Variants in PTCHD4 observed in about 807,000 individuals in gnomAD.
PTCHD4 encodes the protein patched domain containing 4.
A neutral mutation model predicts 58.1 loss-of-function variants in PTCHD4; 33 were observed. The observed-to-expected ratio is 0.57, with a 90% CI of 0.43 to 0.76. PTCHD4 has a LOEUF of 0.76. Ranked by LOEUF, PTCHD4 falls within the 30% of genes least tolerant of loss-of-function variation. The pLI, the probability that PTCHD4 is intolerant of heterozygous loss-of-function variation, is 0.00. For synonymous variants in PTCHD4, 478 were observed against 409.6 expected (o/e 1.17, Z -2.02); for missense variants, 1,058 against 1,027.1 (o/e 1.03, Z -0.41).
intron 4 of PTCHD4, among the ~76,000 whole-genome samples, chr6:47,993,343 G>A (rs1350252107): frequency 6.6e-6 from 1 of 152,172 alleles, no homozygotes; most frequent in African/African-American, 2.4e-5. Flanking sequence ...CTTTCTCAAA[G>A]TCGACATATC....
intron 4 of PTCHD4, among the ~76,000 whole-genome samples, chr6:47,964,633 G>T (rs533007336): frequency 6.6e-6 from 1 of 151,872 alleles, no homozygotes; most frequent in Non-Finnish European, 1.5e-5. Flanking sequence ...TGTAAATGTC[G>T]CAAAGTATTT....
chr6:48,086,310 T>C (rs1179810463), intron 1 of PTCHD4, among the ~76,000 whole-genome samples: 1 of 152,208 alleles, frequency 6.6e-6, no homozygotes, highest in Non-Finnish European at 1.5e-5. Context: ...TTTTCTTATA[T>C]TCTTACCTTG....
chr6:48,052,243 G>T (rs531973352), intron 3 of PTCHD4, among the ~76,000 whole-genome samples: 106 of 152,046 alleles, frequency 7.0e-4, no homozygotes, highest in African/African-American at 2.5e-3. Flanking sequence ...AACAAAAAGG[G>T]TAGGAGGTTG....
Position 47,878,892 on chromosome 6 carries a change from T to C in PTCHD4, c.1943A>G (p.Asp648Gly), listed in dbSNP as rs1205830277. ...IVFNPSFVFM[D>G]HYSLSVTVPV... is the part of the protein sequence containing the mutation. ...CACTGTGACAGACAAGCTGTAATGGTCCATGAAGACAAAGGAGGGGTTGAA... is the reference window on the plus strand; with the variant it reads ...CACTGTGACAGACAAGCTGTAATGGCCCATGAAGACAAAGGAGGGGTTGAA... Residue 648 changes from aspartate to glycine, a missense_variant, in exon 5 of 5, where the codon GAC becomes GGC. Coordinates refer to ENST00000339488, the MANE Select transcript of PTCHD4 (RefSeq NM_001384253.1). 1.2e-6 allele frequency: 2 copies of C among 1,613,550 alleles called. No individual in the cohort carries two copies. The highest frequency in any genetic ancestry group is 2.2e-5 in the South Asian group (2 of 91,080).
At chr6:48,018,132 C>T (rs571674801) in intron 3 of PTCHD4, among the ~76,000 whole-genome samples, 2 of 152,202 alleles carry the variant, frequency 1.3e-5, no homozygotes, top group South Asian at 4.2e-4. Context: ...AAGATTATTC[C>T]ATATTTCCCA....
chr6:47,916,069 C>T (rs751325793), intron 4 of PTCHD4, among the ~76,000 whole-genome samples: 13 of 152,080 alleles, frequency 8.5e-5, no homozygotes, highest in Non-Finnish European at 1.2e-4. Flanking sequence ...GAGCAAAGAC[C>T]GGTGACTGCT....
At chr6:48,050,642 C>T (rs533572722) in intron 3 of PTCHD4, among the ~76,000 whole-genome samples, 3 of 152,098 alleles carry the variant, frequency 2.0e-5, no homozygotes, top group South Asian at 2.1e-4. Context: ...TGGAGCAGGT[C>T]CTGTTCCAAA....
intron 3 of PTCHD4, among the ~76,000 whole-genome samples, chr6:48,058,883 T>TTA (rs1764512257): frequency 6.6e-6 from 1 of 152,206 alleles, no homozygotes. Context: ...GTCCATCTTA[T>TTA]TACACTTACT....
At chr6:47,949,805 C>T (rs1766567275) in intron 4 of PTCHD4, among the ~76,000 whole-genome samples, 1 of 152,008 alleles carries the variant, frequency 6.6e-6, no homozygotes, top group East Asian at 1.9e-4. Context: ...TTTATACAAC[C>T]CCAGTTTGAA....
Position 48,011,469 on chromosome 6 carries a change from T to C in PTCHD4, c.418-2355A>G, listed in dbSNP as rs1762671437. On this transcript the variant is annotated intron_variant, in intron 3 of 4. Transcript: ENST00000339488. Reference sequence around the variant, plus strand: ...TTAAGTTCCTTATAGATTCTGGATATTAGTTCTTTGTCAGATGGATAGATT... The same window carrying C: ...TTAAGTTCCTTATAGATTCTGGATACTAGTTCTTTGTCAGATGGATAGATT... 3.3e-5 allele frequency among the ~76,000 whole-genome samples: 5 copies of C among 152,302 alleles called. No individual in the cohort carries two copies. In the South Asian group the frequency reaches 8.3e-4, roughly 25 times the overall value.
chr6:47,894,510 A>G (rs1764472627), intron 4 of PTCHD4, among the ~76,000 whole-genome samples: 1 of 152,234 alleles, frequency 6.6e-6, no homozygotes, highest in East Asian at 1.9e-4. Context: ...CAAAGAATGC[A>G]AACTCCTATC....
At chr6:48,075,439 G>GTTT (rs748270040) in intron 1 of PTCHD4, among the ~76,000 whole-genome samples, 1 of 136,776 alleles carries the variant, frequency 7.3e-6, no homozygotes, top group African/African-American at 2.7e-5. Flanking sequence ...AGTTTTGTGG[G>GTTT]TTTTTTTTTT....
At chr6:48,041,420 G>A (rs1763844356) in intron 3 of PTCHD4, among the ~76,000 whole-genome samples, 1 of 152,054 alleles carries the variant, frequency 6.6e-6, no homozygotes. Context: ...TAAGGAACAT[G>A]TTGTCCATTG....
intron 4 of PTCHD4, among the ~76,000 whole-genome samples, chr6:47,997,948 G>T (rs1470962357): frequency 6.6e-6 from 1 of 152,074 alleles, no homozygotes; most frequent in Non-Finnish European, 1.5e-5. Context: ...AATCTAGGAA[G>T]TATATCTCCC....
rs76750940 is a variant in PTCHD4, at chr6:47,997,609, G to A, written c.898+11025C>T. On this transcript the variant is annotated intron_variant, in intron 4 of 4. Transcript: ENST00000339488. ...TTATATTAAACTCAAACTCAGGATT[G>A]TACTCAGACTGATTTGCTAAGGGTA... Among the ~76,000 whole-genome samples the A allele has an allele frequency of 1.0e-2, 1,522 of 152,244 alleles. 14 individuals carry two copies. Among genetic ancestry groups the A allele is most frequent in the South Asian group, 0.029 (139 of 4,818 alleles).
rs1436899521 is a variant in PTCHD4, at chr6:47,862,698, A to T, written c.*15605T>A. Among the ~76,000 whole-genome samples the T allele has an allele frequency of 6.6e-6, 1 of 151,872 alleles. No individual in the cohort carries two copies. Among genetic ancestry groups the T allele is most frequent in the Non-Finnish European group, 1.5e-5 (1 of 67,850 alleles). On this transcript the variant is annotated 3_prime_UTR_variant, in exon 5 of 5. Coordinates refer to ENST00000339488, the MANE Select transcript of PTCHD4 (RefSeq NM_001384253.1). The stretch of plus-strand genomic sequence containing the variant: ...AAGTATTCTTTTCTTCTATTAGGTT[A>T]TAAATTACTCAAATAGCTAGAAATC...
intron 3 of PTCHD4, among the ~76,000 whole-genome samples, chr6:48,041,076 C>T (rs1320482622): frequency 6.6e-6 from 1 of 151,962 alleles, no homozygotes; most frequent in Non-Finnish European, 1.5e-5. Context: ...TATAAATTAC[C>T]AGTTTCTTTG....
intron 4 of PTCHD4, among the ~76,000 whole-genome samples, chr6:47,950,004 A>G (rs1296315667): frequency 6.6e-6 from 1 of 150,946 alleles, no homozygotes; most frequent in Non-Finnish European, 1.5e-5. Context: ...AGCGTTAGGT[A>G]TATCTCCTAA....
chr6:47,929,829 C>A lies in PTCHD4; in HGVS notation c.899-49893G>T, dbSNP rs575375290. On this transcript the variant is annotated intron_variant, in intron 4 of 4. Transcript: ENST00000339488. Reference sequence around the variant, plus strand: ...TTTGCTGTTGAATGTGACCCTCTTTCTGGCCCCTTTCACTTTTCATTTCAC... The same window carrying A: ...TTTGCTGTTGAATGTGACCCTCTTTATGGCCCCTTTCACTTTTCATTTCAC... 8.3e-4 allele frequency among the ~76,000 whole-genome samples: 127 copies of A among 152,366 alleles called. No homozygotes were observed. The Middle Eastern group carries it at 0.017, about 20-fold the overall frequency.
Sources: gnomAD v4.1 joint callset for allele counts (sites outside exome capture counted in the v4.1 genomes callset) on GRCh38, gnomAD v4.1.1 for gene constraint, MANE v1.5 for transcripts, NCBI Gene and HGNC (gene_info 2026-07-23, HGNC 2026-07-21) for gene names.